Variants in FMNL1 observed in about 807,000 individuals in gnomAD.
FMNL1 encodes the protein formin like 1, also known as formin-like protein 1.
FMNL1 carries 43 observed loss-of-function variants against 121.3 expected under a neutral mutation model. The observed-to-expected ratio is 0.35, with a 90% CI of 0.28 to 0.46. The LOEUF (loss-of-function observed/expected upper bound fraction) is 0.46. Ranked by LOEUF, FMNL1 falls within the 20% of genes least tolerant of loss-of-function variation. FMNL1 has a pLI of 1.00. For synonymous variants in FMNL1, 613 were observed against 613.5 expected (o/e 1.00, Z 0.01); for missense variants, 1,191 against 1,482.4 (o/e 0.80, Z 3.23).
At position 45,241,364 on chromosome 17, in the gene FMNL1, C is replaced by G. The variant is rs1717544458; in HGVS notation, c.1333-18C>G. ...GGAGCCTGCTGGTGGGCACTGACCC[C>G]TCCCGTGGGGTTCGTAGGAGCGCTT... On this transcript the variant is annotated intron_variant, in intron 13 of 26. Transcript: ENST00000331495. The surrounding 1 kb of genome is among the most constrained non-coding windows in gnomAD (Gnocchi z 7.0). 6.3e-7 allele frequency: 1 copy of G among 1,578,006 alleles called. No individual in the cohort carries two copies. Among genetic ancestry groups the G allele is most frequent in the African/African-American group, 1.4e-5 (1 of 73,740 alleles).
chr17:45,224,410 C>A (rs940036447), intron 1 of FMNL1, among the ~76,000 whole-genome samples: 22 of 152,206 alleles, frequency 1.4e-4, no homozygotes, highest in Admixed American at 1.4e-3. Context: ...AGAGCTGAGT[C>A]CTGTCCTCGG....
intron 1 of FMNL1, among the ~76,000 whole-genome samples, chr17:45,226,400 G>A (rs982023586): frequency 2.0e-5 from 3 of 152,174 alleles, no homozygotes; most frequent in Non-Finnish European, 2.9e-5. Context: ...AGTGGAGCTG[G>A]CTGTTCCTGG....
At chr17:45,226,324 G>C (rs2043328971) in intron 1 of FMNL1, among the ~76,000 whole-genome samples, 1 of 152,224 alleles carries the variant, frequency 6.6e-6, no homozygotes, top group Middle Eastern at 3.2e-3. Context: ...CTGGTGGGGG[G>C]GTTCCCCAGT....
chr17:45,223,843 G>A (rs553511050), intron 1 of FMNL1, among the ~76,000 whole-genome samples: 1 of 152,300 alleles, frequency 6.6e-6, no homozygotes, highest in South Asian at 2.1e-4. Context: ...TGTTTAGCAC[G>A]CTGATGGGGA....
Position 45,245,399 on chromosome 17 carries a change from G to A in FMNL1, c.2875G>A (p.Asp959Asn), listed in dbSNP as rs147281184. 1,301 of 1,614,186 alleles carry A rather than the reference G, an allele frequency of 8.1e-4. No homozygotes were observed. The highest frequency in any genetic ancestry group is 1.1e-3 in the Non-Finnish European group (1,250 of 1,180,020). Residue 959 changes from aspartate to asparagine, a missense_variant, in exon 22 of 27, where the codon GAC (aspartate) becomes AAC (asparagine). Asp to Asn is a conservative substitution (Grantham distance 23). Transcript: ENST00000331495. Reference sequence around the variant, plus strand: ...GCCCACCATGGACAAGCTGCTGGCAGACAGCAAGACGGCTCAGGTGCGCCA... The same window carrying A: ...GCCCACCATGGACAAGCTGCTGGCAAACAGCAAGACGGCTCAGGTGCGCCA... ...NSPTMDKLLA[D>N]SKTAQEAFES...
chr17:45,230,752 T>C, intron 2 of FMNL1, 65 bp downstream of exon 2: 1 of 1,534,258 alleles, frequency 6.5e-7, no homozygotes, highest in Non-Finnish European at 8.9e-7. Flanking sequence ...CTGACCAGGC[T>C]GGGGCTATGG....
intron 22 of FMNL1, 35 bp downstream of exon 22, chr17:45,245,451 A>G (rs1354460248): frequency 3.1e-6 from 5 of 1,613,590 alleles, no homozygotes; most frequent in Middle Eastern, 1.6e-4. Flanking sequence ...GAGGTGGGGC[A>G]TGTAGGAGCA....
In FMNL1 at chr17:45,226,849, T is replaced by C. The variant is rs77324256; in HGVS notation, c.130-3755T>C. Among the ~76,000 whole-genome samples the C allele has an allele frequency of 6.7e-3, 1,015 of 152,252 alleles. 11 individuals carry two copies. The highest frequency in any genetic ancestry group is 0.023 in the African/African-American group (970 of 41,538). ...AGCTGTGGGGACCCTTGAACTCTGA[T>C]GGGAGAAGCTGTTAGCTCTTTGGGT... On this transcript the variant is annotated intron_variant, in intron 1 of 26. Transcript: ENST00000331495.
At chr17:45,240,859 T>C (rs759140140) in intron 12 of FMNL1, 91 of 733,150 alleles carry the variant, frequency 1.2e-4, no homozygotes, top group Non-Finnish European at 1.5e-4. Context: ...CTACCCAGGC[T>C]CAGACCCCAG....
intron 2 of FMNL1, 99 bp downstream of exon 2, chr17:45,230,786 C>A: frequency 7.7e-7 from 1 of 1,296,196 alleles, no homozygotes; most frequent in Non-Finnish European, 1.1e-6. Flanking sequence ...GCCATACTGC[C>A]CATGGAGCCA....
In FMNL1 at chr17:45,233,631, G is replaced by A. The variant is rs1340318586; in HGVS notation, c.402-17G>A. On this transcript the variant is annotated splice_polypyrimidine_tract_variant and intron_variant, in intron 4 of 26. Coordinates refer to ENST00000331495, the MANE Select transcript of FMNL1 (RefSeq NM_005892.4). The surrounding 1 kb of genome is among the most constrained non-coding windows in gnomAD (Gnocchi z 4.1). The stretch of plus-strand genomic sequence containing the variant: ...ACCTCCTTTCTGGCTGGAGCTCAGG[G>A]AGCCCTGTGCCCACAGGTGGGTGCA... The A allele has an allele frequency of 1.9e-6, 3 of 1,613,718 alleles. No individual in the cohort carries two copies. In the African/African-American group the frequency reaches 4.0e-5, roughly 22 times the overall value.
intron 1 of FMNL1, among the ~76,000 whole-genome samples, chr17:45,224,648 G>GGGGACAC (rs2043296906): frequency 6.6e-6 from 1 of 152,232 alleles, no homozygotes. Flanking sequence ...GGTGAGGGGT[G>GGGGACAC]TCCCCACTTA....
intron 1 of FMNL1, among the ~76,000 whole-genome samples, chr17:45,227,196 G>A (rs2043347064): frequency 6.6e-6 from 1 of 152,124 alleles, no homozygotes; most frequent in Non-Finnish European, 1.5e-5. Flanking sequence ...GAAGGGCTAG[G>A]CCATAGGGAG....
chr17:45,238,099 C>G (rs561983827), intron 9 of FMNL1: 1 of 191,670 alleles, frequency 5.2e-6, no homozygotes, highest in African/African-American at 2.4e-5. Flanking sequence ...CATCAGTGAA[C>G]AAAGGAAACC....
chr17:45,239,674 A>G (rs2043637240), intron 11 of FMNL1, among the ~76,000 whole-genome samples: 1 of 152,188 alleles, frequency 6.6e-6, no homozygotes, highest in Non-Finnish European at 1.5e-5. Flanking sequence ...GGGGGGGTCT[A>G]TCTGTGCAAT....
intron 23 of FMNL1, 33 bp from the exon 24 acceptor site, chr17:45,245,845 G>A (rs765461815): frequency 1.9e-6 from 3 of 1,599,780 alleles, no homozygotes; most frequent in Non-Finnish European, 2.6e-6. Context: ...CAGTAGGGAG[G>A]GCCACCCTCA....
chr17:45,227,976 C>T lies in FMNL1; in HGVS notation c.130-2628C>T, dbSNP rs532487566. ...TGCCCCCCTCAGGAGGCAGGTATCC[C>T]GCCCACCTGGACTGCCAGCCCCTCC... On this transcript the variant is annotated intron_variant, in intron 1 of 26. Coordinates refer to ENST00000331495, the MANE Select transcript of FMNL1 (RefSeq NM_005892.4). 3.9e-5 allele frequency among the ~76,000 whole-genome samples: 6 copies of T among 152,256 alleles called. No homozygotes were observed. The East Asian group carries it at 1.2e-3, about 29-fold the overall frequency.
intron 20 of FMNL1, 35 bp downstream of exon 20, chr17:45,244,934 G>A: frequency 6.2e-7 from 1 of 1,612,690 alleles, no homozygotes; most frequent in Non-Finnish European, 8.5e-7. Context: ...GACTGGGGCT[G>A]GGGACTGGCT....
Position 45,244,156 on chromosome 17 carries a change from C to T in FMNL1, c.2449-20C>T. The T allele has an allele frequency of 6.2e-7, 1 of 1,612,240 alleles. No homozygotes were observed. The highest frequency in any genetic ancestry group is 8.5e-7 in the Non-Finnish European group (1 of 1,179,198). On this transcript the variant is annotated intron_variant, in intron 18 of 26. Coordinates refer to ENST00000331495, the MANE Select transcript of FMNL1 (RefSeq NM_005892.4). Reference sequence around the variant, plus strand: ...TGGAGGAGGCTCCAACTTATCTTACCTCCCCCATCCCACCCCCAGCAACTG... The same window carrying T: ...TGGAGGAGGCTCCAACTTATCTTACTTCCCCCATCCCACCCCCAGCAACTG...
Sources: allele counts gnomAD v4.1 joint callset (sites outside exome capture counted in the v4.1 genomes callset), GRCh38; gene constraint gnomAD v4.1.1; non-coding constraint Gnocchi (gnomAD v3.1); transcripts MANE v1.5; gene names NCBI Gene and HGNC (gene_info 2026-07-23, HGNC 2026-07-21).